Variants in TBC1D1 observed in about 807,000 individuals in gnomAD.
TBC1D1 encodes TBC1 (tre-2/USP6, BUB2, cdc16) domain family, member 1.
Under a neutral mutation model 125.6 loss-of-function variants are expected in TBC1D1, and 89 were observed. That is an observed-to-expected ratio of 0.71 (90% CI 0.60 to 0.85). The LOEUF (loss-of-function observed/expected upper bound fraction) is 0.85, where lower values mean the gene tolerates loss of function less well. TBC1D1 is among the 40% of genes least tolerant of loss of function. TBC1D1 has a pLI of 0.00. For synonymous variants in TBC1D1, 565 were observed against 564.1 expected (o/e 1.00, Z -0.02); for missense variants, 1,377 against 1,469.2 (o/e 0.94, Z 1.03).
At chr4:38,038,699 G>A (rs1010401425) in intron 8 of TBC1D1, among the ~76,000 whole-genome samples, 3 of 152,148 alleles carry the variant, frequency 2.0e-5, no homozygotes, top group African/African-American at 7.2e-5. Context: ...TGTAATCCCA[G>A]TACTTTGGGA....
intron 2 of TBC1D1, among the ~76,000 whole-genome samples, chr4:37,973,255 C>T (rs1732416405): frequency 6.6e-6 from 1 of 152,112 alleles, no homozygotes; most frequent in Non-Finnish European, 1.5e-5. Context: ...AAATTCTAAC[C>T]CAGACTGCAG....
At chr4:38,076,465 C>G (rs1322537939) in intron 12 of TBC1D1, among the ~76,000 whole-genome samples, 1 of 152,148 alleles carries the variant, frequency 6.6e-6, no homozygotes, top group Non-Finnish European at 1.5e-5. Flanking sequence ...GGGTCATGAT[C>G]CTCCCGCACC....
At chr4:38,070,425 G>A (rs374654200) in intron 12 of TBC1D1, among the ~76,000 whole-genome samples, 1 of 152,064 alleles carries the variant, frequency 6.6e-6, no homozygotes, top group Non-Finnish European at 1.5e-5. Flanking sequence ...GTGGACCTTC[G>A]GCATGACCCG....
At chr4:37,958,823 G>A (rs1411342968) in intron 2 of TBC1D1, among the ~76,000 whole-genome samples, 3 of 152,202 alleles carry the variant, frequency 2.0e-5, no homozygotes, top group Non-Finnish European at 2.9e-5. Context: ...TATTGTAAAA[G>A]TTGCCTACCA....
chr4:38,074,469 C>A (rs931367688), intron 12 of TBC1D1, among the ~76,000 whole-genome samples: 1 of 152,168 alleles, frequency 6.6e-6, no homozygotes, highest in African/African-American at 2.4e-5. Context: ...TGCTGGCCCT[C>A]AGAATTTAAG....
At chr4:38,047,338 TG>T (rs1560686028) in intron 10 of TBC1D1, among the ~76,000 whole-genome samples, 1 of 151,754 alleles carries the variant, frequency 6.6e-6, no homozygotes. Flanking sequence ...GTAGGCAGGG[TG>T]GGGGGAGCCC....
chr4:37,952,189 T>G, intron 2 of TBC1D1: 2 of 669,952 alleles, frequency 3.0e-6, no homozygotes, highest in Non-Finnish European at 5.5e-6. Flanking sequence ...ATTTATCCTG[T>G]GACTTCACAC....
In TBC1D1 at chr4:37,984,711, C is replaced by T. The variant is rs1354228622; in HGVS notation, c.418-29798C>T. Among the ~76,000 whole-genome samples the T allele has an allele frequency of 7.3e-5, 11 of 151,500 alleles. No individual in the cohort carries two copies. In the South Asian group the frequency reaches 1.5e-3, roughly 20 times the overall value. On this transcript the variant is annotated intron_variant, in intron 2 of 19. Transcript: ENST00000261439. ...TACAAAAATTAGCTGGGTGTGGTGGCGTGTACCTGTAATCCCAGCTACTTG... is the reference window on the plus strand; with the variant it reads ...TACAAAAATTAGCTGGGTGTGGTGGTGTGTACCTGTAATCCCAGCTACTTG...
In TBC1D1 at chr4:38,035,718, T is replaced by C. The variant is rs1042488278; in HGVS notation, c.1413+20T>C. 1.8e-5 allele frequency: 28 copies of C among 1,565,608 alleles called. No homozygotes were observed. Among genetic ancestry groups the C allele is most frequent in the African/African-American group, 1.1e-4 (8 of 73,804 alleles). Reference sequence around the variant, plus strand: ...AAGCAGGTATGGCATTTTTGTCTCTTGTAATTGTTGCCAAGTCTCTGCCAA... The same window carrying C: ...AAGCAGGTATGGCATTTTTGTCTCTCGTAATTGTTGCCAAGTCTCTGCCAA... On this transcript the variant is annotated intron_variant, in intron 8 of 19. Coordinates refer to ENST00000261439, the MANE Select transcript of TBC1D1 (RefSeq NM_015173.4).
chr4:38,015,418 A>C (rs1469316252), intron 3 of TBC1D1, among the ~76,000 whole-genome samples: 1 of 152,022 alleles, frequency 6.6e-6, no homozygotes, highest in Non-Finnish European at 1.5e-5. Flanking sequence ...TTATATTTGA[A>C]ATTTATACCC....
chr4:38,030,419 ACTT>A (rs1442757199), intron 7 of TBC1D1: 3 of 152,266 alleles, frequency 2.0e-5, no homozygotes, highest in Non-Finnish European at 4.4e-5. Context: ...GTATTCACCA[ACTT>A]TGAAAAGCCG....
At chr4:38,057,522 C>T (rs1285227195) in intron 12 of TBC1D1, among the ~76,000 whole-genome samples, 2 of 152,228 alleles carry the variant, frequency 1.3e-5, no homozygotes, top group Admixed American at 6.5e-5. Flanking sequence ...CTCATGCCTC[C>T]TCTGTCTCTA....
chr4:38,021,721 G>C lies in TBC1D1; in HGVS notation c.1210+3G>C. The stretch of plus-strand genomic sequence containing the variant: ...CAAGCTCTGTGAGAGGATAGAGGGT[G>C]AGTAGGGGACCCTTTCCAGCATGAA... On this transcript the variant is annotated splice_donor_region_variant and intron_variant, in intron 6 of 19. Transcript: ENST00000261439. The C allele has an allele frequency of 1.3e-6, 2 of 1,558,524 alleles. No individual in the cohort carries two copies. The highest frequency in any genetic ancestry group is 1.7e-6 in the Non-Finnish European group (2 of 1,154,140).
chr4:38,068,726 G>A (rs1560729988), intron 12 of TBC1D1, among the ~76,000 whole-genome samples: 1 of 152,204 alleles, frequency 6.6e-6, no homozygotes, highest in Admixed American at 6.5e-5. Flanking sequence ...AGAGCCACAT[G>A]TGGCTACCGT....
intron 1 of TBC1D1, among the ~76,000 whole-genome samples, chr4:37,893,777 G>A (rs1713903795): frequency 6.6e-6 from 1 of 152,204 alleles, no homozygotes; most frequent in South Asian, 2.1e-4. Flanking sequence ...AGTGAAACAT[G>A]ATCGTGCCAC....
rs145431459 is a variant in TBC1D1, at chr4:38,068,983, A to G, written c.2050+14645A>G. Among the ~76,000 whole-genome samples the G allele has an allele frequency of 3.6e-3, 550 of 152,370 alleles. 3 individuals carry two copies. The highest frequency in any genetic ancestry group is 0.013 in the African/African-American group (524 of 41,582). On this transcript the variant is annotated intron_variant, in intron 12 of 19. Coordinates refer to ENST00000261439, the MANE Select transcript of TBC1D1 (RefSeq NM_015173.4). ...TAAAGAAGTAAACTTCAGGCAGTCA[A>G]GATTTTCTACAACCCACACTGCTCC...
intron 2 of TBC1D1, among the ~76,000 whole-genome samples, chr4:37,902,738 G>T (rs1716359098): frequency 6.6e-6 from 1 of 152,212 alleles, no homozygotes; most frequent in African/African-American, 2.4e-5. Context: ...AAAAATTCAA[G>T]AGAAATCAGT....
intron 8 of TBC1D1, among the ~76,000 whole-genome samples, chr4:38,041,189 T>G (rs1360244231): frequency 6.6e-6 from 1 of 152,210 alleles, no homozygotes; most frequent in Non-Finnish European, 1.5e-5. Context: ...GATTTCATTA[T>G]TCAAAGAAGA....
At chr4:38,028,415 T>C (rs1361614505) in intron 7 of TBC1D1, among the ~76,000 whole-genome samples, 1 of 152,196 alleles carries the variant, frequency 6.6e-6, no homozygotes, top group Non-Finnish European at 1.5e-5. Flanking sequence ...CTGCCTGCCT[T>C]GGCCTCCCAA....
Sources: gnomAD v4.1 joint callset for allele counts (sites outside exome capture counted in the v4.1 genomes callset) on GRCh38, gnomAD v4.1.1 for gene constraint, MANE v1.5 for transcripts, NCBI Gene and HGNC (gene_info 2026-07-23, HGNC 2026-07-21) for gene names.